Variants in C12orf42 observed in about 807,000 individuals in gnomAD.
C12orf42 encodes the protein uncharacterized protein C12orf42.
C12orf42 carries 25 observed loss-of-function variants against 21.6 expected under a neutral mutation model. That is an observed-to-expected ratio of 1.16 (90% CI 0.84 to 1.62). C12orf42 has a LOEUF of 1.62. Among genes scored for constraint, C12orf42 ranks in the 40% most tolerant of loss-of-function variants. The probability of loss-of-function intolerance (pLI) is 0.00; values close to 1 mark genes in which losing one functional copy is unlikely to be tolerated. For missense variants in C12orf42, 483 were observed against 459.3 expected, an observed-to-expected ratio of 1.05 and a Z score of -0.47; for synonymous variants, 174 against 175.0, an observed-to-expected ratio of 0.99 and a Z score of 0.05.
chr12:103,460,393 T>C (rs1952619307), intron 2 of C12orf42, among the ~76,000 whole-genome samples: 1 of 152,148 alleles, frequency 6.6e-6, no homozygotes, highest in Non-Finnish European at 1.5e-5. Context: ...CAAGAACAAG[T>C]TGCATGGTCG....
At position 103,368,944 on chromosome 12, in the gene C12orf42, T is replaced by C. The variant is rs779094289; in HGVS notation, c.202A>G (p.Met68Val). The change falls in exon 4 of 6, where the codon ATG becomes GTG. Residue 68 changes from methionine to valine, a missense_variant. By Grantham distance (21) the Met-to-Val change is conservative. Transcript: ENST00000548883. ...TTAGGAGATTCAGAGAAATTCTTCA[T>C]GTGATTAATGAATCTGGAGCAGGGT... ...SVPCSRFINH[M>V]KNFSESPKFR... 38 of 1,600,864 alleles carry C rather than the reference T, an allele frequency of 2.4e-5. No homozygotes were observed. Among genetic ancestry groups the C allele is most frequent in the Admixed American group, 2.0e-4 (12 of 58,780 alleles).
At chr12:103,114,898 G>C in the C12orf42 span, among the ~76,000 whole-genome samples, 3 of 152,098 alleles carry the variant, frequency 2.0e-5, no homozygotes, top group African/African-American at 2.4e-5. Context: ...TGTTTACCAG[G>C]GCAAGCAAGA....
the C12orf42 span, among the ~76,000 whole-genome samples, chr12:103,051,101 G>T: frequency 0.031 from 4,787 of 152,216 alleles, 111 homozygotes; most frequent in Non-Finnish European, 0.051. Context: ...ATCAGTGATG[G>T]GATGAGGTAA....
At chr12:103,362,755 T>A (rs2044228672) in intron 4 of C12orf42, among the ~76,000 whole-genome samples, 1 of 151,698 alleles carries the variant, frequency 6.6e-6, no homozygotes, top group African/African-American at 2.4e-5. Context: ...AACTTCAGAG[T>A]TCGAAGACAA....
the C12orf42 span, among the ~76,000 whole-genome samples, chr12:103,136,463 T>C: frequency 5.9e-5 from 9 of 152,156 alleles, no homozygotes; most frequent in African/African-American, 2.2e-4. Flanking sequence ...ACACTGCCCA[T>C]GGCAATCTAT....
intron 4 of C12orf42, among the ~76,000 whole-genome samples, chr12:103,320,666 A>T (rs2039996577): frequency 6.6e-6 from 1 of 152,102 alleles, no homozygotes; most frequent in African/African-American, 2.4e-5. Context: ...TCAATATTAG[A>T]GATATGGGGT....
intron 3 of C12orf42, among the ~76,000 whole-genome samples, chr12:103,393,399 C>T (rs1186120751): frequency 6.6e-6 from 1 of 152,066 alleles, no homozygotes; most frequent in Admixed American, 6.6e-5. Context: ...AAGAACAGTA[C>T]CAAGCGATGA....
the C12orf42 span, among the ~76,000 whole-genome samples, chr12:103,167,599 A>C: frequency 4.6e-5 from 7 of 152,160 alleles, no homozygotes; most frequent in African/African-American, 1.7e-4. Flanking sequence ...CCAGGAAAAA[A>C]TATGTTGCTC....
At chr12:103,423,087 C>T (rs1398190732) in intron 2 of C12orf42, among the ~76,000 whole-genome samples, 1 of 152,174 alleles carries the variant, frequency 6.6e-6, no homozygotes, top group Admixed American at 6.5e-5. Context: ...CCCATTATTA[C>T]ACAAATACCT....
At chr12:103,059,395 G>T in the C12orf42 span, among the ~76,000 whole-genome samples, 3 of 152,028 alleles carry the variant, frequency 2.0e-5, no homozygotes, top group African/African-American at 4.8e-5. Context: ...TTCTAACAGA[G>T]GTAAAAAGAG....
intron 4 of C12orf42, among the ~76,000 whole-genome samples, chr12:103,333,577 T>C (rs2041431268): frequency 1.3e-5 from 2 of 152,224 alleles, no homozygotes; most frequent in Non-Finnish European, 2.9e-5. Context: ...ACCATTTTTT[T>C]CCATTTATAG....
At chr12:103,118,675 G>A in the C12orf42 span, among the ~76,000 whole-genome samples, 2 of 148,288 alleles carry the variant, frequency 1.3e-5, no homozygotes, top group South Asian at 2.2e-4. Flanking sequence ...GTGGGCGCCT[G>A]TAGTCCCAGC....
At chr12:103,296,706 G>A (rs1181828602) in intron 4 of C12orf42, among the ~76,000 whole-genome samples, 9 of 152,042 alleles carry the variant, frequency 5.9e-5, no homozygotes, top group Middle Eastern at 3.4e-3. Flanking sequence ...TGTTGATGGG[G>A]TTGTTTTTTT....
rs201623692 is a variant in C12orf42 at position 103,246,989 on chromosome 12, TTTTC to T, written c.*1367-9091_*1367-9088del. 7.9e-3 allele frequency among the ~76,000 whole-genome samples: 1,203 copies of T among 152,182 alleles called. 7 individuals are homozygous for T. Among genetic ancestry groups the T allele is most frequent in the South Asian group, 0.013 (61 of 4,828 alleles). Reference sequence around the variant, plus strand: ...ACTGAAATAAGATTTTCATATTTTATTTTCTTTATTTGCAATAATTTATTTCATT... The same window carrying T: ...ACTGAAATAAGATTTTCATATTTTATTTTATTTGCAATAATTTATTTCATT... On this transcript the variant is annotated intron_variant and NMD_transcript_variant, in intron 10 of 10. Coordinates refer to the C12orf42 transcript ENST00000547347.
chr12:103,422,102 T>C (rs1020467570), intron 2 of C12orf42, among the ~76,000 whole-genome samples: 2 of 152,216 alleles, frequency 1.3e-5, no homozygotes, highest in Admixed American at 1.3e-4. Context: ...AAAGCAACAA[T>C]GGATAAATCT....
At chr12:103,501,204 A>C in the C12orf42 span, among the ~76,000 whole-genome samples, 2 of 152,226 alleles carry the variant, frequency 1.3e-5, no homozygotes, top group African/African-American at 4.8e-5. Flanking sequence ...GAGATACCAA[A>C]GCTCTCATTT....
chr12:103,245,815 GA>G (rs1473520668), intron 10 of C12orf42, among the ~76,000 whole-genome samples: 1 of 152,016 alleles, frequency 6.6e-6, no homozygotes, highest in East Asian at 1.9e-4. Context: ...CTAACTATTG[GA>G]CCAGGCAGTC....
intron 2 of C12orf42, among the ~76,000 whole-genome samples, chr12:103,416,162 T>C (rs1435901257): frequency 6.6e-6 from 1 of 151,952 alleles, no homozygotes; most frequent in Non-Finnish European, 1.5e-5. Context: ...TCAAACTTTA[T>C]GTCATTCTGT....
intron 4 of C12orf42, among the ~76,000 whole-genome samples, chr12:103,326,607 A>T (rs1016923964): frequency 8.5e-5 from 13 of 152,096 alleles, no homozygotes; most frequent in South Asian, 8.3e-4. Flanking sequence ...GACTGCTCCA[A>T]GCTTGTTCCT....
Sources: gnomAD v4.1 joint callset for allele counts (sites outside exome capture counted in the v4.1 genomes callset) on GRCh38, gnomAD v4.1.1 for gene constraint, MANE v1.5 for transcripts, NCBI Gene and HGNC (gene_info 2026-07-23, HGNC 2026-07-21) for gene names.